KIFC3: variants seen among roughly 807,000 people sequenced by gnomAD.
KIFC3 encodes kinesin-like protein KIFC3.
Under a neutral mutation model 101.8 loss-of-function variants are expected in KIFC3, and 60 were observed. The ratio of observed to expected loss-of-function variants is 0.59; its 90% CI spans 0.48 to 0.73. KIFC3 has a LOEUF of 0.73. KIFC3 is among the 30% of genes least tolerant of loss of function. KIFC3 has a pLI of 0.00. For synonymous variants in KIFC3, 476 were observed against 482.7 expected (o/e 0.99, Z 0.18); for missense variants, 966 against 1,137.1 (o/e 0.85, Z 2.16).
chr16:57,850,971 TTCCTTCC>T (rs2056043085), intron 1 of KIFC3, among the ~76,000 whole-genome samples: 1 of 139,922 alleles, frequency 7.1e-6, no homozygotes, highest in Admixed American at 7.0e-5. Flanking sequence ...CCTTCCTTCC[TTCCTTCC>T]TTCCTTCCTT....
At chr16:57,764,120 C>T (rs1035603058) in intron 12 of KIFC3, 23 bp downstream of exon 12, 1 of 1,558,842 alleles carries the variant, frequency 6.4e-7, no homozygotes, top group Non-Finnish European at 8.8e-7. Context: ...CTGTGAACCC[C>T]CACCCCATTG....
chr16:57,772,944 G>A (rs782701683), intron 3 of KIFC3, among the ~76,000 whole-genome samples: 5 of 152,142 alleles, frequency 3.3e-5, no homozygotes, highest in African/African-American at 7.2e-5. Context: ...TAGCTTATCC[G>A]GACCCCAGAA....
intron 3 of KIFC3, among the ~76,000 whole-genome samples, chr16:57,790,256 T>C (rs915246589): frequency 9.3e-5 from 14 of 150,576 alleles, no homozygotes; most frequent in African/African-American, 3.4e-4. Context: ...ATTTTTGTAT[T>C]TTTTGTGTAG....
At chr16:57,814,573 A>G (rs1463596885) in intron 1 of KIFC3, among the ~76,000 whole-genome samples, 2 of 152,066 alleles carry the variant, frequency 1.3e-5, no homozygotes, top group South Asian at 2.1e-4. Context: ...TAATTATCCC[A>G]TGTTACAGAT....
chr16:57,861,922 C>G (rs569241170), intron 1 of KIFC3, among the ~76,000 whole-genome samples: 2 of 152,244 alleles, frequency 1.3e-5, no homozygotes, highest in South Asian at 4.2e-4. Flanking sequence ...GCACTCCAGC[C>G]TGGGCAACAA....
At chr16:57,789,093 C>T (rs1039205885) in intron 3 of KIFC3, among the ~76,000 whole-genome samples, 22 of 152,230 alleles carry the variant, frequency 1.4e-4, no homozygotes, top group African/African-American at 5.1e-4. Context: ...TCCCACCACA[C>T]ACGTATCAAC....
chr16:57,772,999 G>A (rs1434967216), intron 3 of KIFC3, among the ~76,000 whole-genome samples: 3 of 152,172 alleles, frequency 2.0e-5, no homozygotes, highest in African/African-American at 7.2e-5. Flanking sequence ...GCAGATCCCA[G>A]GGGAGCAACC....
rs1555623933 is a variant in KIFC3 at position 57,798,164 on chromosome 16, T to G, written c.80A>C (p.Glu27Ala). 2 of 1,541,092 alleles carry G rather than the reference T, an allele frequency of 1.3e-6. No homozygotes were observed. The highest frequency in any genetic ancestry group is 2.0e-5 in the Admixed American group (1 of 49,688). Residue 27 changes from glutamate (E) to alanine (A), a missense_variant, in exon 2 of 20, where the codon GAG becomes GCG. By Grantham distance (107) the Glu-to-Ala change is moderately radical. Coordinates refer to ENST00000445690, the MANE Select transcript of KIFC3 (RefSeq NM_001130100.2). ...GGGGCGAGCCATCCCCGGCTCGGGCTCCGGGGCCCGGCCCACTCTCCACAG... is the reference window on the plus strand; with the variant it reads ...GGGGCGAGCCATCCCCGGCTCGGGCGCCGGGGCCCGGCCCACTCTCCACAG... ...RGLWRVGRAP[E>A]PEPGMARPAP... is the part of the protein sequence containing the mutation.
chr16:57,776,970 A>G, intron 3 of KIFC3: 1 of 152,270 alleles, frequency 6.6e-6, no homozygotes, highest in Non-Finnish European at 1.5e-5. Flanking sequence ...TGATTTTAAA[A>G]GCAGGGCAAT....
intron 1 of KIFC3, among the ~76,000 whole-genome samples, chr16:57,819,079 ACAGCCCCACTGT>A (rs535352050): frequency 1.6e-4 from 25 of 152,148 alleles, no homozygotes; most frequent in South Asian, 6.2e-4. Flanking sequence ...AGATACAGGC[ACAGCCCCACTGT>A]CAGCCCCACT....
Position 57,802,242 on chromosome 16 carries a change from G to C in KIFC3, c.-40+128C>G, listed in dbSNP as rs973790892. On this transcript the variant is annotated intron_variant, in intron 1 of 19. Coordinates refer to ENST00000445690, the MANE Select transcript of KIFC3 (RefSeq NM_001130100.2). This position sits in a 1 kb window ranked among gnomAD's most constrained non-coding sequence, Gnocchi z 5.0. ...GGGTCTCCCGGGCCTTTCCCTCCCC[G>C]CGCCCATAGCGGGTCCGGGCAGAGG... 2 of 386,308 alleles carry C rather than the reference G, an allele frequency of 5.2e-6. No individual in the cohort carries two copies. Among genetic ancestry groups the C allele is most frequent in the African/African-American group, 4.4e-5 (2 of 45,954 alleles). 23.9% of individuals were successfully genotyped at this position (386,308 alleles called of 1,614,324 possible).
chr16:57,788,858 G>A (rs1555619053), intron 3 of KIFC3: 4 of 679,630 alleles, frequency 5.9e-6, no homozygotes, highest in East Asian at 6.7e-5. Context: ...GGGTGGGGAC[G>A]TTGAGGTCCA....
At chr16:57,837,867 T>A (rs1480929590) in intron 1 of KIFC3, among the ~76,000 whole-genome samples, 1 of 152,056 alleles carries the variant, frequency 6.6e-6, no homozygotes, top group African/African-American at 2.4e-5. Flanking sequence ...GAGGTGATGG[T>A]GAACTTGCTT....
chr16:57,764,915 G>A (rs1445958050), intron 11 of KIFC3, among the ~76,000 whole-genome samples: 1 of 150,988 alleles, frequency 6.6e-6, no homozygotes, highest in Non-Finnish European at 1.5e-5. Flanking sequence ...AGGGTGGGTG[G>A]GGCCATGCAG....
chr16:57,782,197 C>G (rs12935285), intron 3 of KIFC3: 71 of 962,694 alleles, frequency 7.4e-5, no homozygotes, highest in Non-Finnish European at 8.5e-5. Context: ...ATTCTTACAA[C>G]AGATCCACCC....
At position 57,759,815 on chromosome 16, in the gene KIFC3, G is replaced by T; in HGVS notation, c.2389C>A (p.Pro797Thr). 1 of 1,609,690 alleles carries T rather than the reference G, an allele frequency of 6.2e-7. No individual in the cohort carries two copies. The highest frequency in any genetic ancestry group is 8.5e-7 in the Non-Finnish European group (1 of 1,178,466). Residue 797 changes from proline to threonine, a missense_variant, in exon 18 of 20, where the codon CCA becomes ACA. Pro to Thr is a conservative substitution (Grantham distance 38). Transcript: ENST00000445690. ...GAGTGGGCCCGTGCCGAGGGCTGTG[G>T]CGTCTGACAAGCCGGCTCCCACTGT... ...HLEWEPACQT[P>T]QPSARAHSAP...
intron 1 of KIFC3, among the ~76,000 whole-genome samples, chr16:57,827,882 GCACTAACTA>G (rs1252617228): frequency 2.0e-5 from 3 of 152,222 alleles, no homozygotes; most frequent in Non-Finnish European, 4.4e-5. Context: ...TTTGTACTGA[GCACTAACTA>G]CACACCAGGT....
upstream of KIFC3, among the ~76,000 whole-genome samples, chr16:57,804,407 A>G (rs2054885160): frequency 6.6e-6 from 1 of 152,216 alleles, no homozygotes; most frequent in Non-Finnish European, 1.5e-5. Flanking sequence ...TTGTTCACAA[A>G]TGCAGTGTGT....
At chr16:57,775,818 T>C (rs1334617774) in intron 3 of KIFC3, 2 of 985,484 alleles carry the variant, frequency 2.0e-6, no homozygotes, top group Non-Finnish European at 1.2e-6. Flanking sequence ...CAGGACAGCA[T>C]GGACGTCAAT....
Sources: gnomAD v4.1 joint callset for allele counts (sites outside exome capture counted in the v4.1 genomes callset) on GRCh38, gnomAD v4.1.1 for gene constraint, Gnocchi (gnomAD v3.1) non-coding constraint, MANE v1.5 for transcripts, NCBI Gene and HGNC (gene_info 2026-07-23, HGNC 2026-07-21) for gene names.